Variants in TANGO6 observed in about 807,000 individuals in gnomAD.
TANGO6 encodes the protein transport and Golgi organization protein 6 homolog.
In TANGO6, 90 loss-of-function variants were observed where a neutral mutation model predicts 114.2. That is an observed-to-expected ratio of 0.79 (90% CI 0.66 to 0.94). The LOEUF (loss-of-function observed/expected upper bound fraction) is 0.94. Ranked by LOEUF, TANGO6 falls within the 40% of genes least tolerant of loss-of-function variation. TANGO6 has a pLI of 0.00. For missense variants in TANGO6, 1,274 were observed against 1,315.3 expected, an observed-to-expected ratio of 0.97 and a Z score of 0.49; for synonymous variants, 477 against 509.8, an observed-to-expected ratio of 0.94 and a Z score of 0.87.
chr16:68,900,379 C>A, intron 7 of TANGO6, 55 bp from the exon 8 acceptor site: 1 of 1,445,822 alleles, frequency 6.9e-7, no homozygotes, highest in Non-Finnish European at 9.7e-7. Flanking sequence ...GTGTGATTCC[C>A]GTTGCTCTGG....
intron 14 of TANGO6, among the ~76,000 whole-genome samples, chr16:68,941,357 T>A (rs1173496998): frequency 2.0e-5 from 3 of 152,210 alleles, no homozygotes; most frequent in African/African-American, 7.2e-5. Flanking sequence ...ATCTCATAAT[T>A]AACTCCTATT....
At chr16:69,009,178 T>C (rs905687637) in intron 15 of TANGO6, among the ~76,000 whole-genome samples, 1 of 144,410 alleles carries the variant, frequency 6.9e-6, no homozygotes, top group Non-Finnish European at 1.5e-5. Context: ...GCCTCACAGG[T>C]TCAAGCGATT....
At chr16:68,938,066 T>C (rs1237203519) in intron 14 of TANGO6, among the ~76,000 whole-genome samples, 1 of 152,236 alleles carries the variant, frequency 6.6e-6, no homozygotes, top group Non-Finnish European at 1.5e-5. Context: ...CAGCAATGTA[T>C]GAGTGTTCCA....
intron 17 of TANGO6, among the ~76,000 whole-genome samples, chr16:69,075,013 T>G (rs1960353505): frequency 6.6e-6 from 1 of 152,032 alleles, no homozygotes. Flanking sequence ...TACGCCTGGC[T>G]AATTTTTTAG....
chr16:68,928,525 C>T (rs1471712106), intron 13 of TANGO6, among the ~76,000 whole-genome samples: 1 of 152,048 alleles, frequency 6.6e-6, no homozygotes, highest in Admixed American at 6.6e-5. Context: ...TGGTCTCGAT[C>T]TCCTGACCTC....
chr16:69,047,828 G>A (rs1275659392), intron 17 of TANGO6, among the ~76,000 whole-genome samples: 1 of 152,056 alleles, frequency 6.6e-6, no homozygotes, highest in African/African-American at 2.4e-5. Context: ...AATATAAAAT[G>A]GCAGCATTTT....
At chr16:68,928,167 G>A in intron 13 of TANGO6, 84 bp downstream of exon 13, 1 of 1,429,268 alleles carries the variant, frequency 7.0e-7, no homozygotes, top group Non-Finnish European at 9.2e-7. Context: ...TGGACTATGT[G>A]TCAAGTGCTG....
intron 14 of TANGO6, among the ~76,000 whole-genome samples, chr16:68,964,482 T>C (rs1395626510): frequency 6.6e-6 from 1 of 152,020 alleles, no homozygotes; most frequent in African/African-American, 2.4e-5. Context: ...TTGAATTCAA[T>C]AGAGACGATT....
intron 14 of TANGO6, among the ~76,000 whole-genome samples, chr16:68,953,783 G>A (rs1448122126): frequency 6.6e-6 from 1 of 152,168 alleles, no homozygotes; most frequent in African/African-American, 2.4e-5. Flanking sequence ...TAGTCTATAT[G>A]AATAGGAGGA....
chr16:68,849,013 G>T (rs1315959770), intron 1 of TANGO6, among the ~76,000 whole-genome samples: 1 of 152,070 alleles, frequency 6.6e-6, no homozygotes, highest in Non-Finnish European at 1.5e-5. Context: ...TTTAGCAACC[G>T]CAATGCGGAC....
Position 69,084,053 on chromosome 16 carries a change from T to A in TANGO6, c.*392T>A, listed in dbSNP as rs1960504885. ...ACCCATATGTCACCTAGCTCTATAT[T>A]CTTTCAGGCTGAGATTCTTCTTCAG... On this transcript the variant is annotated 3_prime_UTR_variant, in exon 18 of 18. Coordinates refer to ENST00000261778, the MANE Select transcript of TANGO6 (RefSeq NM_024562.2). 1.3e-5 allele frequency: 2 copies of A among 157,046 alleles called. No individual in the cohort carries two copies. The highest frequency in any genetic ancestry group is 3.9e-4 in the South Asian group (2 of 5,088). The allele number at this position is 157,046 out of a possible 1,614,324, so 9.7% of individuals were successfully genotyped here.
At chr16:68,983,245 T>G (rs1963857535) in intron 15 of TANGO6, among the ~76,000 whole-genome samples, 1 of 152,208 alleles carries the variant, frequency 6.6e-6, no homozygotes, top group Admixed American at 6.5e-5. Context: ...CCTCTGCCCA[T>G]AGTAACACCC....
In TANGO6 at chr16:68,889,740, G is replaced by C. The variant is rs978040511; in HGVS notation, c.1377+9110G>C. On this transcript the variant is annotated intron_variant, in intron 7 of 17. Transcript: ENST00000261778. Reference sequence around the variant, plus strand: ...CTTTGAGCCAGACAGACCTAGGTTGGAATCTGGCTCCAAAGTTGACTGTCC... The same window carrying C: ...CTTTGAGCCAGACAGACCTAGGTTGCAATCTGGCTCCAAAGTTGACTGTCC... Among the ~76,000 whole-genome samples the C allele has an allele frequency of 6.8e-4, 104 of 152,164 alleles. 1 individual carries two copies. Among genetic ancestry groups the C allele is most frequent in the Admixed American group, 6.7e-3 (103 of 15,270 alleles).
rs1455692159 is a variant in TANGO6, at chr16:68,945,738, T to C, written c.2701+15443T>C. 1.1e-4 allele frequency among the ~76,000 whole-genome samples: 17 copies of C among 151,952 alleles called. No homozygotes were observed. In the East Asian group the frequency reaches 3.3e-3, roughly 29 times the overall value. On this transcript the variant is annotated intron_variant, in intron 14 of 17. Coordinates refer to ENST00000261778, the MANE Select transcript of TANGO6 (RefSeq NM_024562.2). ...TCTCACTCTGCTGCCCAGGCTGGAG[T>C]GCAGTGGCATGATCTTGGCTCACTG... is the stretch of plus-strand genomic sequence containing the variant.
chr16:68,975,840 C>T (rs964345476), intron 15 of TANGO6, among the ~76,000 whole-genome samples: 11 of 151,810 alleles, frequency 7.2e-5, no homozygotes, highest in South Asian at 2.1e-4. Context: ...TACAGGTGTG[C>T]GCCATCGTGC....
intron 14 of TANGO6, among the ~76,000 whole-genome samples, chr16:68,964,030 G>C (rs1013879344): frequency 6.6e-6 from 1 of 151,160 alleles, no homozygotes; most frequent in Non-Finnish European, 1.5e-5. Flanking sequence ...TTTCAAAGTA[G>C]AACAGCTGAC....
intron 15 of TANGO6, among the ~76,000 whole-genome samples, chr16:69,000,150 A>G (rs1404855501): frequency 6.6e-6 from 1 of 152,258 alleles, no homozygotes; most frequent in Non-Finnish European, 1.5e-5. Flanking sequence ...TCAGAATTAT[A>G]GAAGTTTCAC....
intron 15 of TANGO6, 99 bp downstream of exon 15, chr16:68,974,267 TGAGGG>T: frequency 2.1e-6 from 3 of 1,427,754 alleles, no homozygotes; most frequent in Admixed American, 3.7e-5. Flanking sequence ...ACTAGTGTGG[TGAGGG>T]TAGTTTGAGG....
intron 14 of TANGO6, among the ~76,000 whole-genome samples, chr16:68,944,895 G>C (rs1375798741): frequency 6.6e-6 from 1 of 152,216 alleles, no homozygotes; most frequent in Non-Finnish European, 1.5e-5. Flanking sequence ...GTTTGGCCGG[G>C]CACGGTGGCT....
Sources: gnomAD v4.1 joint callset for allele counts (sites outside exome capture counted in the v4.1 genomes callset) on GRCh38, gnomAD v4.1.1 for gene constraint, MANE v1.5 for transcripts, NCBI Gene and HGNC (gene_info 2026-07-23, HGNC 2026-07-21) for gene names.